The following TRIP11 variants were observed in gnomAD, a reference collection of about 807,000 sequenced individuals.
TRIP11 encodes thyroid receptor-interacting protein 11.
In TRIP11, 148 loss-of-function variants were observed where a neutral mutation model predicts 223.1. That is an observed-to-expected ratio of 0.66 (90% CI 0.58 to 0.76). The LOEUF is 0.76. Among genes scored for constraint, TRIP11 ranks in the 30% least tolerant of loss-of-function variants. TRIP11 has a pLI of 0.00. For synonymous variants in TRIP11, 762 were observed against 772.6 expected (o/e 0.99, Z 0.23); for missense variants, 2,043 against 2,222.0 (o/e 0.92, Z 1.62).
rs2056738805 is a variant in TRIP11 at position 91,995,507 on chromosome 14, G to C, written c.4901C>G (p.Ala1634Gly). ...SNAMENASHQ[A>G]SVQVESLQEQ... ...TTGCAATGACTCTACCTGCACACTG[G>C]CTTGATGGCTTCAAACAAAAAGAAT... is the stretch of plus-strand genomic sequence containing the variant. The change falls in exon 14 of 21, where the codon GCC becomes GGC. Residue 1634 changes from alanine to glycine, a missense_variant. Coordinates refer to ENST00000267622, the MANE Select transcript of TRIP11 (RefSeq NM_004239.4). 6.2e-7 allele frequency: 1 copy of C among 1,613,874 alleles called. No homozygotes were observed. The highest frequency in any genetic ancestry group is 8.5e-7 in the Non-Finnish European group (1 of 1,179,978).
chr14:92,011,087 A>C lies in TRIP11; in HGVS notation c.1228-15T>G. On this transcript the variant is annotated splice_polypyrimidine_tract_variant and intron_variant, in intron 8 of 20. Coordinates refer to ENST00000267622, the MANE Select transcript of TRIP11 (RefSeq NM_004239.4). The stretch of plus-strand genomic sequence containing the variant: ...AGACTGTTATCCTACAAAAATGTTA[A>C]AGCAGTGTTTTCAGGTAACAAGAAA... 1 of 1,612,524 alleles carries C rather than the reference A, an allele frequency of 6.2e-7. No individual in the cohort carries two copies. The highest frequency in any genetic ancestry group is 8.5e-7 in the Non-Finnish European group (1 of 1,178,636).
chr14:92,014,817 C>T (rs979768818), intron 6 of TRIP11, among the ~76,000 whole-genome samples: 3 of 151,950 alleles, frequency 2.0e-5, no homozygotes, highest in Non-Finnish European at 4.4e-5. Context: ...CATTTATTAC[C>T]AAAGTATCAT....
intron 13 of TRIP11, among the ~76,000 whole-genome samples, chr14:91,997,197 G>GTTA (rs1484545795): frequency 6.6e-6 from 1 of 152,172 alleles, no homozygotes; most frequent in Non-Finnish European, 1.5e-5. Flanking sequence ...CACTCTAGAA[G>GTTA]TTAATAAATA....
chr14:92,012,240 G>C lies in TRIP11; in HGVS notation c.1187-445C>G, dbSNP rs2056981655. Among the ~76,000 whole-genome samples the C allele has an allele frequency of 2.0e-5, 3 of 152,142 alleles. No individual in the cohort carries two copies. In the South Asian group the frequency reaches 6.2e-4, roughly 31 times the overall value. On this transcript the variant is annotated intron_variant, in intron 7 of 20. Coordinates refer to ENST00000267622, the MANE Select transcript of TRIP11 (RefSeq NM_004239.4). The stretch of plus-strand genomic sequence containing the variant: ...TCTCTCAATTATCTAACGTGATTTA[G>C]ATATGAATGCTGAGAAAAAGACCAT...
intron 13 of TRIP11, among the ~76,000 whole-genome samples, chr14:91,996,602 G>A (rs984298982): frequency 8.5e-5 from 13 of 152,136 alleles, no homozygotes; most frequent in African/African-American, 2.9e-4. Context: ...TGTGCTTCCA[G>A]GCTAAAACTC....
In TRIP11 at chr14:91,966,514, A is replaced by T. The variant is rs2056343633; in HGVS notation, c.*3159T>A. 1 of 197,898 alleles carries T rather than the reference A, an allele frequency of 5.1e-6. No individual in the cohort carries two copies. Among genetic ancestry groups the T allele is most frequent in the Non-Finnish European group, 1.0e-5 (1 of 95,612 alleles). The allele number at this position is 197,898 out of a possible 1,614,324, so 12.3% of individuals were successfully genotyped here. On this transcript the variant is annotated 3_prime_UTR_variant, in exon 21 of 21. Coordinates refer to ENST00000267622, the MANE Select transcript of TRIP11 (RefSeq NM_004239.4). ...TCATCACTCTACTGTCCCTGAAGAC[A>T]TAGCTTTTCCCCCCATTGATTGGAT...
rs2056627512 is a variant in TRIP11, at chr14:91,988,290, T to A, written c.5254A>T (p.Arg1752Ter). Residue 1752 changes from arginine (R) to a stop codon, truncating the protein, a stop_gained, in exon 16 of 21, where the codon AGA (arginine) becomes TGA (stop). Coordinates refer to ENST00000267622, the MANE Select transcript of TRIP11 (RefSeq NM_004239.4). LOFTEE classifies it high-confidence loss of function. ...VKEEQIEELKRQNELRQEMLD... is the reference protein window; with the variant it reads ...VKEEQIEELK ...TGAAAAGAAAAAAACCTACTTTGTCTTTTAAGTTCTTCAATTTGTTCTTCT... is the reference window on the plus strand; with the variant it reads ...TGAAAAGAAAAAAACCTACTTTGTCATTTAAGTTCTTCAATTTGTTCTTCT... The A allele has an allele frequency of 6.2e-7, 1 of 1,610,620 alleles. No individual in the cohort carries two copies. The highest frequency in any genetic ancestry group is 1.1e-5 in the South Asian group (1 of 90,846).
chr14:92,034,925 T>C (rs2057307511), intron 1 of TRIP11, among the ~76,000 whole-genome samples: 2 of 152,152 alleles, frequency 1.3e-5, no homozygotes, highest in Admixed American at 1.3e-4. Flanking sequence ...TAAGTCACCA[T>C]GCATGGCCCT....
chr14:91,984,541 C>T (rs2056582692), intron 16 of TRIP11, among the ~76,000 whole-genome samples: 1 of 152,016 alleles, frequency 6.6e-6, no homozygotes, highest in Non-Finnish European at 1.5e-5. Flanking sequence ...GTCTCAAACT[C>T]CTGACCTCAG....
chr14:92,031,893 G>A (rs1000519889), intron 2 of TRIP11, among the ~76,000 whole-genome samples: 1 of 152,050 alleles, frequency 6.6e-6, no homozygotes, highest in Admixed American at 6.6e-5. Flanking sequence ...GCTCACCGCA[G>A]CCTTGACTTC....
chr14:92,000,157 A>T (rs1290077808), intron 11 of TRIP11, 49 bp from the exon 12 acceptor site: 1 of 1,609,386 alleles, frequency 6.2e-7, no homozygotes. Context: ...ACACACACAT[A>T]TTTTAAAAGA....
chr14:92,003,353 A>G, intron 11 of TRIP11, 66 bp downstream of exon 11: 1 of 1,585,202 alleles, frequency 6.3e-7, no homozygotes, highest in East Asian at 2.2e-5. Context: ...AATATAAATG[A>G]AATAACATTA....
chr14:92,008,003 T>A, intron 9 of TRIP11, 151 bp from the exon 10 acceptor site: 1 of 662,950 alleles, frequency 1.5e-6, no homozygotes, highest in Non-Finnish European at 2.6e-6. Context: ...GTATGTGAAA[T>A]TCAACAAACC....
intron 2 of TRIP11, chr14:92,026,614 T>G: frequency 3.2e-6 from 4 of 1,246,982 alleles, no homozygotes; most frequent in Non-Finnish European, 4.7e-6. Context: ...CACCAAGGAC[T>G]TAAAGGAGAA....
chr14:92,028,215 A>G (rs1248398320), intron 2 of TRIP11, among the ~76,000 whole-genome samples: 1 of 152,184 alleles, frequency 6.6e-6, no homozygotes, highest in East Asian at 1.9e-4. Context: ...AATATGGTCA[A>G]TATCTACTTG....
At position 92,039,787 on chromosome 14, in the gene TRIP11, G is replaced by C; in HGVS notation, c.-102C>G. The C allele has an allele frequency of 4.5e-6, 7 of 1,549,726 alleles. No homozygotes were observed. The highest frequency in any genetic ancestry group is 6.1e-6 in the Non-Finnish European group (7 of 1,146,740). ...TATCCTTGAACGCCTGCCTTCGCGAGACAGGATACGATAACACAAAGCTGG... is the reference window on the plus strand; with the variant it reads ...TATCCTTGAACGCCTGCCTTCGCGACACAGGATACGATAACACAAAGCTGG... On this transcript the variant is annotated 5_prime_UTR_variant, in exon 1 of 21. Transcript: ENST00000267622.
At chr14:92,018,969 A>AC (rs1227149999) in intron 4 of TRIP11, among the ~76,000 whole-genome samples, 2 of 150,886 alleles carry the variant, frequency 1.3e-5, no homozygotes, top group South Asian at 2.1e-4. Context: ...TCAAAAAAAA[A>AC]AAAAAAAAAC....
At chr14:92,015,081 T>C (rs1241664442) in intron 6 of TRIP11, among the ~76,000 whole-genome samples, 1 of 152,008 alleles carries the variant, frequency 6.6e-6, no homozygotes, top group Non-Finnish European at 1.5e-5. Context: ...TTTTTGTATT[T>C]TTAGTAGAGA....
intron 3 of TRIP11, 71 bp downstream of exon 3, chr14:92,025,239 A>G: frequency 1.7e-6 from 2 of 1,190,310 alleles, no homozygotes; most frequent in South Asian, 2.5e-5. Flanking sequence ...CTCGATTTAT[A>G]TTCTAACTCT....
Sources: allele counts gnomAD v4.1 joint callset (sites outside exome capture counted in the v4.1 genomes callset), GRCh38; gene constraint gnomAD v4.1.1; transcripts MANE v1.5; gene names NCBI Gene and HGNC (gene_info 2026-07-23, HGNC 2026-07-21).